Variants in ZNF675 observed in about 807,000 individuals in gnomAD.
ZNF675 encodes the protein TRAF6 inhibitory zinc finger.
A neutral mutation model predicts 56.1 loss-of-function variants in ZNF675; 36 were observed. That is an observed-to-expected ratio of 0.64 (90% CI 0.49 to 0.85). The LOEUF is 0.85. Ranked by LOEUF, ZNF675 falls within the 40% of genes least tolerant of loss-of-function variation. The probability of loss-of-function intolerance (pLI) is 0.00; values close to 1 mark genes in which losing one functional copy is unlikely to be tolerated. For synonymous variants in ZNF675, 200 were observed against 218.9 expected, an observed-to-expected ratio of 0.91 and a Z score of 0.76; for missense variants, 663 against 654.2, an observed-to-expected ratio of 1.01 and a Z score of -0.15.
In ZNF675 at chr19:23,654,468, T is replaced by C. The variant is rs763357575; in HGVS notation, c.465A>G (p.Lys155=). The change falls in exon 4 of 4, where the codon AAA becomes AAG. Residue 155 remains lysine, a synonymous_variant. Transcript: ENST00000359788. ...TCTTATGTCTATCTGAATGTGAAAA[T>C]TTATTAAAGACTTTCACATATTTAT... ...QCDKYVKVFN[K]FSHSDRHKIK... is the part of the protein sequence containing the mutation. The C allele has an allele frequency of 6.2e-7, 1 of 1,601,932 alleles. No individual in the cohort carries two copies. The highest frequency in any genetic ancestry group is 2.2e-5 in the East Asian group (1 of 44,764).
chr19:23,654,101 G>C lies in ZNF675; in HGVS notation c.832C>G (p.His278Asp). 1 of 1,613,832 alleles carries C rather than the reference G, an allele frequency of 6.2e-7. No individual in the cohort carries two copies. The highest frequency in any genetic ancestry group is 8.5e-7 in the Non-Finnish European group (1 of 1,179,980). Reference sequence around the variant, plus strand: ...CATTTGTAGGGTTTCTCTCCTGTATGAATTATCTTATGTGTAGTAAGGTGT... The same window carrying C: ...CATTTGTAGGGTTTCTCTCCTGTATCAATTATCTTATGTGTAGTAAGGTGT... ...SSHLTTHKII[H>D]TGEKPYKCEE... Residue 278 changes from histidine (H) to aspartate (D), a missense_variant, in exon 4 of 4, where the codon CAT becomes GAT. By Grantham distance (81) the His-to-Asp change is moderately conservative. Coordinates refer to ENST00000359788, the MANE Select transcript of ZNF675 (RefSeq NM_138330.3).
At chr19:23,672,060 T>A (rs1466001903) in intron 1 of ZNF675, among the ~76,000 whole-genome samples, 1 of 152,028 alleles carries the variant, frequency 6.6e-6, no homozygotes, top group African/African-American at 2.4e-5. Context: ...GCCCCTGAGC[T>A]GGTGGCCCAA....
Position 23,660,624 on chromosome 19 carries a change from G to A in ZNF675, c.226+1490C>T, listed in dbSNP as rs149646278. 6.9e-3 allele frequency among the ~76,000 whole-genome samples: 1,049 copies of A among 152,150 alleles called. 50 individuals carry two copies. The highest frequency in any genetic ancestry group is 0.064 in the Admixed American group (982 of 15,268). The stretch of plus-strand genomic sequence containing the variant: ...AATAGCATTAAAATAATAAATTTCT[G>A]AGAACAAATTTAACCAAGGAGGTAC... On this transcript the variant is annotated intron_variant, in intron 3 of 3. Coordinates refer to ENST00000359788, the MANE Select transcript of ZNF675 (RefSeq NM_138330.3).
At chr19:23,685,407 C>A (rs530095078) in intron 1 of ZNF675, among the ~76,000 whole-genome samples, 2 of 152,270 alleles carry the variant, frequency 1.3e-5, no homozygotes, top group Non-Finnish European at 2.9e-5. Context: ...ACTAGACACT[C>A]GAGCAGACAT....
chr19:23,683,583 G>A lies in ZNF675; in HGVS notation c.3+3448C>T, dbSNP rs555774232. Among the ~76,000 whole-genome samples, 405 of 152,054 alleles carry A rather than the reference G, an allele frequency of 2.7e-3. 3 individuals carry two copies. The Middle Eastern group carries it at 0.041, about 15-fold the overall frequency. On this transcript the variant is annotated intron_variant, in intron 1 of 3. Transcript: ENST00000359788. ...ACTACAGGCACGTGCCACCATGCCC[G>A]GCTGATTTTTGTATTTTTAGTAGAG...
rs767917946 is a variant in ZNF675, at chr19:23,653,555, C to G, written c.1378G>C (p.Ala460Pro). The G allele has an allele frequency of 1.9e-6, 3 of 1,613,398 alleles. No homozygotes were observed. Among genetic ancestry groups the G allele is most frequent in the Non-Finnish European group, 2.5e-6 (3 of 1,179,884 alleles). Residue 460 changes from alanine (A) to proline (P), a missense_variant, in exon 4 of 4, where the codon GCT becomes CCT. Transcript: ENST00000359788. ...KPYKCEECGK[A>P]FIQSSKLTEH... is the part of the protein sequence containing the mutation. ...GTAAGTTTTGAGGATTGGATAAAAG[C>G]TTTGCCACATTCTTCACATTTGTAG...
chr19:23,657,639 C>A (rs2144921020), intron 3 of ZNF675, among the ~76,000 whole-genome samples: 1 of 152,260 alleles, frequency 6.6e-6, no homozygotes, highest in East Asian at 1.9e-4. Flanking sequence ...ATCACTTCAA[C>A]CTGGGAGGCA....
rs774130105 is a variant in ZNF675, at chr19:23,653,285, T to C, written c.1648A>G (p.Asn550Asp). 11 of 1,613,450 alleles carry C rather than the reference T, an allele frequency of 6.8e-6. No individual in the cohort carries two copies. The South Asian group carries it at 1.2e-4, about 18-fold the overall frequency. The change falls in exon 4 of 4, where the codon AAC becomes GAC. Residue 550 changes from asparagine (N) to aspartate (D), a missense_variant. Coordinates refer to ENST00000359788, the MANE Select transcript of ZNF675 (RefSeq NM_138330.3). ...RCDKAFNQSANLTKHKKIHTG... is the reference protein window; with the variant it reads ...RCDKAFNQSADLTKHKKIHTG... The stretch of plus-strand genomic sequence containing the variant: ...TGTATTTTTTTATGTTTAGTAAGGT[T>C]TGCAGATTGGTTAAAAGCTTTGTCA...
intron 1 of ZNF675, among the ~76,000 whole-genome samples, chr19:23,670,528 T>TCCTTGCCAAGCGACC (rs1433061564): frequency 6.6e-6 from 1 of 151,960 alleles, no homozygotes; most frequent in Non-Finnish European, 1.5e-5. Flanking sequence ...GTAGCGACCA[T>TCCTTGCCAAGCGACC]CCTTGCCAAG....
intron 3 of ZNF675, among the ~76,000 whole-genome samples, chr19:23,658,116 C>T (rs932331849): frequency 2.0e-5 from 3 of 152,036 alleles, no homozygotes; most frequent in Non-Finnish European, 4.4e-5. Context: ...AATCCCAGCA[C>T]ATTAGGAGGT....
chr19:23,679,166 CA>C lies in ZNF675; in HGVS notation c.3+7864del, dbSNP rs33936196. ...TGGGCGACAGAGCGAGACTCCGTCT[CA>C]AAAAAAAAAAAAAAAAGAGAACAAA... is the stretch of plus-strand genomic sequence containing the variant. On this transcript the variant is annotated intron_variant, in intron 1 of 3. Transcript: ENST00000359788. 8.9e-3 allele frequency among the ~76,000 whole-genome samples: 884 copies of C among 99,248 alleles called. 17 individuals carry two copies. Among genetic ancestry groups the C allele is most frequent in the African/African-American group, 0.035 (844 of 23,792 alleles). 65.1% of individuals were successfully genotyped at this position (99,248 alleles called of 152,430 possible).
At chr19:23,671,862 G>A (rs1968230597) in intron 1 of ZNF675, among the ~76,000 whole-genome samples, 1 of 152,094 alleles carries the variant, frequency 6.6e-6, no homozygotes, top group Non-Finnish European at 1.5e-5. Flanking sequence ...GGAAACTGGA[G>A]AAACTCTCAT....
At chr19:23,658,755 A>G (rs548939017) in intron 3 of ZNF675, 9 of 151,960 alleles carry the variant, frequency 5.9e-5, no homozygotes, top group African/African-American at 2.2e-4. Flanking sequence ...ATCCAACTTT[A>G]GAAGCAAAAA....
Position 23,653,362 on chromosome 19 carries a change from G to C in ZNF675, c.1571C>G (p.Thr524Ser). 1 of 1,613,618 alleles carries C rather than the reference G, an allele frequency of 6.2e-7. No individual in the cohort carries two copies. ...GKAFSRSSKLTEHKIIHTGEK... is the reference protein window; with the variant it reads ...GKAFSRSSKLSEHKIIHTGEK... ...TCCAGTATGAATTATCTTATGTTCA[G>C]TAAGTTTTGAGGATCGGCTAAAAGC... The change falls in exon 4 of 4, where the codon ACT (threonine) becomes AGT (serine). Residue 524 changes from threonine to serine, a missense_variant. Physicochemically the swap from Thr to Ser is moderately conservative, Grantham distance 58. Around this residue, in one of 3 missense-constraint regions of ZNF675, gnomAD observed 617 missense variants for 590.5 expected, o/e 1.04. Coordinates refer to ENST00000359788, the MANE Select transcript of ZNF675 (RefSeq NM_138330.3).
intron 1 of ZNF675, among the ~76,000 whole-genome samples, chr19:23,675,418 A>G (rs755914153): frequency 2.0e-5 from 3 of 151,550 alleles, no homozygotes; most frequent in Non-Finnish European, 2.9e-5. Context: ...TTTCACCACC[A>G]CAGGGCACAT....
intron 1 of ZNF675, among the ~76,000 whole-genome samples, chr19:23,677,937 T>C (rs991400716): frequency 6.6e-6 from 1 of 151,322 alleles, no homozygotes; most frequent in Admixed American, 6.6e-5. Context: ...CTGACCAACA[T>C]AGAGAAACCC....
At chr19:23,676,201 TTAA>T (rs896191623) in intron 1 of ZNF675, among the ~76,000 whole-genome samples, 8 of 151,572 alleles carry the variant, frequency 5.3e-5, no homozygotes, top group African/African-American at 1.7e-4. Context: ...CAAAATCAAA[TTAA>T]TAATAAGTAG....
chr19:23,659,956 C>T (rs1218113484), intron 3 of ZNF675, among the ~76,000 whole-genome samples: 1 of 151,624 alleles, frequency 6.6e-6, no homozygotes, highest in East Asian at 1.9e-4. Flanking sequence ...ACACAGTGAC[C>T]TGGAAAGATC....
Position 23,654,719 on chromosome 19 carries a change from A to G in ZNF675, c.227-13T>C, listed in dbSNP as rs1967959695. 1 of 1,503,860 alleles carries G rather than the reference A, an allele frequency of 6.6e-7. No homozygotes were observed. The highest frequency in any genetic ancestry group is 2.3e-5 in the East Asian group (1 of 44,054). 93.2% of individuals were successfully genotyped at this position (1,503,860 alleles called of 1,614,324 possible). A position where few individuals can be genotyped will look rare whatever the true frequency, so the allele number is the denominator to read the frequency against. On this transcript the variant is annotated splice_polypyrimidine_tract_variant and intron_variant, in intron 3 of 3. Transcript: ENST00000359788. The stretch of plus-strand genomic sequence containing the variant: ...TGAGAACACATTACTGAAAGAAATA[A>G]AAATAACACATTACTTTACAGACTC...
Sources: gnomAD v4.1 joint callset for allele counts (sites outside exome capture counted in the v4.1 genomes callset) on GRCh38, gnomAD v4.1.1 for gene constraint, gnomAD v4.1.1 regional missense constraint, MANE v1.5 for transcripts, NCBI Gene and HGNC (gene_info 2026-07-23, HGNC 2026-07-21) for gene names.